The following ANKS1A variants were observed in gnomAD, a reference collection of about 807,000 sequenced individuals.
ANKS1A encodes ankyrin repeat and SAM domain-containing protein 1A.
ANKS1A carries 55 observed loss-of-function variants against 120.3 expected under a neutral mutation model. That is an observed-to-expected ratio of 0.46 (90% CI 0.37 to 0.57). The LOEUF (loss-of-function observed/expected upper bound fraction) is 0.57, where lower values mean the gene tolerates loss of function less well. Ranked by LOEUF, ANKS1A falls within the 20% of genes least tolerant of loss-of-function variation. The pLI is 0.00. For missense variants in ANKS1A, 1,123 were observed against 1,480.3 expected (o/e 0.76, Z 3.96); for synonymous variants, 590 against 604.7 (o/e 0.98, Z 0.36).
intron 8 of ANKS1A, among the ~76,000 whole-genome samples, chr6:34,987,202 A>G (rs1316897896): frequency 6.6e-6 from 1 of 152,110 alleles, no homozygotes; most frequent in Non-Finnish European, 1.5e-5. Context: ...AACACAATGG[A>G]TGGTATGTGT....
rs971854692 is a variant in ANKS1A at position 35,063,932 on chromosome 6, G to C, written c.2184+3679G>C. ...CAACCTCGAACCTCTGGGTTCTGCTGTCTGTCCCAGGGGTTTCGTAGAGAT... is the reference window on the plus strand; with the variant it reads ...CAACCTCGAACCTCTGGGTTCTGCTCTCTGTCCCAGGGGTTTCGTAGAGAT... On this transcript the variant is annotated intron_variant, in intron 13 of 23. Transcript: ENST00000360359. 3.9e-5 allele frequency among the ~76,000 whole-genome samples: 6 copies of C among 152,362 alleles called. No homozygotes were observed. In the East Asian group the frequency reaches 9.6e-4, roughly 25 times the overall value.
chr6:34,974,056 C>A, intron 3 of ANKS1A, among the ~76,000 whole-genome samples: 1 of 36,456 alleles, frequency 2.7e-5, no homozygotes, highest in Non-Finnish European at 5.1e-5. Flanking sequence ...TCTTCCCCTT[C>A]CCTTCCCCTT....
At chr6:35,081,287 A>G in intron 17 of ANKS1A, 129 bp downstream of exon 17, 1 of 1,253,598 alleles carries the variant, frequency 8.0e-7, no homozygotes, top group Non-Finnish European at 1.1e-6. Flanking sequence ...AGGAGGCACT[A>G]GCCTGCTCTG....
chr6:34,951,226 G>A (rs1770078398), intron 1 of ANKS1A, among the ~76,000 whole-genome samples: 1 of 151,800 alleles, frequency 6.6e-6, no homozygotes. Flanking sequence ...ATTGTAAACT[G>A]GAAGTAATTC....
chr6:35,085,900 G>C lies in ANKS1A; in HGVS notation c.3267G>C (p.Pro1089=), dbSNP rs202217863. The C allele has an allele frequency of 3.1e-6, 5 of 1,612,756 alleles. No individual in the cohort carries two copies. The highest frequency in any genetic ancestry group is 4.2e-6 in the Non-Finnish European group (5 of 1,179,628). The change falls in exon 22 of 24, where the codon CCG becomes CCC. Residue 1089 remains proline (P), a synonymous_variant. Transcript: ENST00000360359. The surrounding 1 kb of genome is among the most constrained non-coding windows in gnomAD (Gnocchi z 4.7). The stretch of plus-strand genomic sequence containing the variant: ...TGATTGAAACAAAATCTTCCAAACC[G>C]GTGCCTAAGCCTCGGGTCGGCGTGA... ...AEMIETKSSK[P]VPKPRVGVRK...
chr6:35,039,597 AC>A (rs1232419983), intron 11 of ANKS1A: 1 of 456,758 alleles, frequency 2.2e-6, no homozygotes, highest in Admixed American at 2.3e-5. Flanking sequence ...CCACACACTT[AC>A]CAAATTAAGG....
intron 10 of ANKS1A, among the ~76,000 whole-genome samples, chr6:35,007,312 G>A (rs1288708134): frequency 6.6e-6 from 1 of 152,172 alleles, no homozygotes; most frequent in African/African-American, 2.4e-5. Flanking sequence ...GAAGTGGAAA[G>A]CCTTAATAGA....
intron 13 of ANKS1A, among the ~76,000 whole-genome samples, chr6:35,073,912 G>A (rs76919595): frequency 3.8e-4 from 58 of 152,244 alleles, no homozygotes; most frequent in African/African-American, 1.2e-3. Flanking sequence ...CTCATCCCCC[G>A]GTGCGGAGAT....
intron 13 of ANKS1A, among the ~76,000 whole-genome samples, chr6:35,070,484 C>CTTTTTT (rs869249276): frequency 1.9e-3 from 121 of 62,938 alleles, no homozygotes; most frequent in African/African-American, 2.3e-3. Flanking sequence ...AAGCCTTTAT[C>CTTTTTT]TTTTTTTTTT....
chr6:34,932,874 T>C (rs1468453088), intron 1 of ANKS1A, among the ~76,000 whole-genome samples: 1 of 152,232 alleles, frequency 6.6e-6, no homozygotes, highest in African/African-American at 2.4e-5. Flanking sequence ...ATTGCTGAGT[T>C]ATATGTTAAC....
intron 13 of ANKS1A, among the ~76,000 whole-genome samples, chr6:35,078,017 C>A (rs905804575): frequency 6.6e-6 from 1 of 152,162 alleles, no homozygotes; most frequent in Non-Finnish European, 1.5e-5. Flanking sequence ...ACAGCACGGA[C>A]TGGGCTCAGC....
intron 1 of ANKS1A, among the ~76,000 whole-genome samples, chr6:34,892,695 AG>A (rs1205532247): frequency 6.6e-6 from 1 of 152,208 alleles, no homozygotes; most frequent in East Asian, 1.9e-4. Flanking sequence ...AACTTCTTAA[AG>A]CCCTTCCTGA....
intron 11 of ANKS1A, among the ~76,000 whole-genome samples, chr6:35,020,777 G>T (rs1356935501): frequency 1.3e-5 from 2 of 152,216 alleles, no homozygotes; most frequent in African/African-American, 4.8e-5. Context: ...ATCGAGAGGA[G>T]TTTCATTTGC....
Position 34,982,674 on chromosome 6 carries a change from C to A in ANKS1A, c.733-78C>A. The stretch of plus-strand genomic sequence containing the variant: ...TGTTTTATTTTGTGTCCCTTCTTGT[C>A]TGTGTCCCCTTTGTCACGTGAAGCC... On this transcript the variant is annotated intron_variant, in intron 4 of 23. Coordinates refer to ENST00000360359, the MANE Select transcript of ANKS1A (RefSeq NM_015245.3). This position sits in a 1 kb window ranked among gnomAD's most constrained non-coding sequence, Gnocchi z 4.9. 1 of 1,374,322 alleles carries A rather than the reference C, an allele frequency of 7.3e-7. No individual in the cohort carries two copies. The highest frequency in any genetic ancestry group is 1.0e-6 in the Non-Finnish European group (1 of 962,028). 85.1% of individuals were successfully genotyped at this position (1,374,322 alleles called of 1,614,324 possible).
At chr6:34,901,525 T>C (rs902504000) in intron 1 of ANKS1A, among the ~76,000 whole-genome samples, 6 of 152,148 alleles carry the variant, frequency 3.9e-5, no homozygotes, top group Admixed American at 6.5e-5. Flanking sequence ...GTTGTTTCTT[T>C]TCTGAGATGA....
intron 11 of ANKS1A, among the ~76,000 whole-genome samples, chr6:35,034,889 C>G (rs2127572826): frequency 6.6e-6 from 1 of 152,322 alleles, no homozygotes; most frequent in East Asian, 1.9e-4. Context: ...ATCACGAATC[C>G]TGGCATCCTG....
chr6:34,903,273 A>T lies in ANKS1A; in HGVS notation c.197+13674A>T, dbSNP rs545738620. 3.2e-4 allele frequency among the ~76,000 whole-genome samples: 41 copies of T among 128,634 alleles called. No individual in the cohort carries two copies. In the South Asian group the frequency reaches 8.9e-3, roughly 28 times the overall value. 84.4% of individuals were successfully genotyped at this position (128,634 alleles called of 152,430 possible). A position where few individuals can be genotyped will look rare whatever the true frequency, so the allele number is the denominator to read the frequency against. ...TCAAATTGGCTCATTGTGGGGTTTG[A>T]TTGTCATTCTGCTGCACCAATTTGC... On this transcript the variant is annotated intron_variant, in intron 1 of 23. Coordinates refer to ENST00000360359, the MANE Select transcript of ANKS1A (RefSeq NM_015245.3).
chr6:35,080,319 T>A (rs1307772880), intron 16 of ANKS1A, among the ~76,000 whole-genome samples: 1 of 152,278 alleles, frequency 6.6e-6, no homozygotes, highest in Non-Finnish European at 1.5e-5. Flanking sequence ...ACAGCTTGCA[T>A]TTTAAAAACC....
At chr6:35,074,671 C>A (rs1777255585) in intron 13 of ANKS1A, among the ~76,000 whole-genome samples, 1 of 152,186 alleles carries the variant, frequency 6.6e-6, no homozygotes, top group Non-Finnish European at 1.5e-5. Flanking sequence ...TGGTGACTCT[C>A]AGATTTGGGG....
Sources: allele counts gnomAD v4.1 joint callset (sites outside exome capture counted in the v4.1 genomes callset), GRCh38; gene constraint gnomAD v4.1.1; non-coding constraint Gnocchi (gnomAD v3.1); transcripts MANE v1.5; gene names NCBI Gene and HGNC (gene_info 2026-07-23, HGNC 2026-07-21).